The following WNT8A variants were observed in gnomAD, a reference collection of about 807,000 sequenced individuals.
The protein encoded by WNT8A is protein Wnt-8a.
In WNT8A, 14 loss-of-function variants were observed where a neutral mutation model predicts 20.5. The observed-to-expected ratio is 0.68, with a 90% CI of 0.45 to 1.07. The LOEUF is 1.07. Among genes scored for constraint, WNT8A ranks in the 50% least tolerant of loss-of-function variants. The pLI is 0.00. For synonymous variants in WNT8A, 167 were observed against 169.2 expected (o/e 0.99, Z 0.10); for missense variants, 397 against 462.9 (o/e 0.86, Z 1.31).
chr5:138,087,789 C>CCT lies in WNT8A; in HGVS notation c.296-7_296-6dup, dbSNP rs367786843. Reference sequence around the variant, plus strand: ...CAGGGTCCAGGTTTCCAGTCAGTTCCCTCTCTCTCTCCAAAGCTACCAGAG... The same window carrying CCT: ...CAGGGTCCAGGTTTCCAGTCAGTTCCCTCTCTCTCTCTCCAAAGCTACCAGAG... On this transcript the variant is annotated splice_polypyrimidine_tract_variant and intron_variant, in intron 2 of 4. Transcript: ENST00000506684. The CCT allele has an allele frequency of 1.9e-6, 3 of 1,611,632 alleles. No homozygotes were observed. The highest frequency in any genetic ancestry group is 1.7e-5 in the Admixed American group (1 of 59,858).
upstream of WNT8A, among the ~76,000 whole-genome samples, chr5:138,079,846 G>C (rs1750455990): frequency 6.6e-6 from 1 of 152,152 alleles, no homozygotes; most frequent in African/African-American, 2.4e-5. Context: ...TTGTAGACTT[G>C]ATGTGGAATG....
intron 2 of WNT8A, among the ~76,000 whole-genome samples, chr5:138,086,903 G>T (rs973782856): frequency 8.0e-5 from 12 of 150,728 alleles, no homozygotes; most frequent in African/African-American, 2.9e-4. Flanking sequence ...AAAAATAGCC[G>T]GGTGTGGTAG....
chr5:138,081,826 C>T (rs1750518014), upstream of WNT8A, among the ~76,000 whole-genome samples: 1 of 152,134 alleles, frequency 6.6e-6, no homozygotes, highest in African/African-American at 2.4e-5. Context: ...TCTAAAATTG[C>T]TCCAAATTGC....
At chr5:138,088,791 C>A (rs1750753755) in intron 3 of WNT8A, 136 bp from the exon 4 acceptor site, 3 of 1,229,968 alleles carry the variant, frequency 2.4e-6, no homozygotes, top group Non-Finnish European at 3.4e-6. Context: ...GGACTCCCAC[C>A]CACCCCAAGC....
chr5:138,081,578 G>A (rs1015724327), upstream of WNT8A, among the ~76,000 whole-genome samples: 22 of 152,006 alleles, frequency 1.4e-4, no homozygotes, highest in Admixed American at 1.3e-3. Flanking sequence ...GGAAAAGTAG[G>A]AGACAGAGAA....
Position 138,086,495 on chromosome 5 carries a change from T to C in WNT8A, c.296-1311T>C, listed in dbSNP as rs568197054. ...AACCTCCCAAAGTGCTGGGATTACA[T>C]TGGCCTCATCATTCTATCTCTGGTT... On this transcript the variant is annotated intron_variant, in intron 2 of 4. Transcript: ENST00000506684. Among the ~76,000 whole-genome samples the C allele has an allele frequency of 3.9e-5, 6 of 152,000 alleles. No individual in the cohort carries two copies. In the South Asian group the frequency reaches 6.3e-4, roughly 16 times the overall value.
rs777111856 is a variant in WNT8A at position 138,091,465 on chromosome 5, A to T, written c.*392A>T. On this transcript the variant is annotated 3_prime_UTR_variant, in exon 5 of 5. Coordinates refer to ENST00000506684, the MANE Select transcript of WNT8A (RefSeq NM_001300939.2). ...CTGTGCTGCTGGGAATCAGGAGAAT[A>T]GAAGCAAAAAACGAAAGAGTTCTGT... The T allele has an allele frequency of 4.4e-6, 6 of 1,354,762 alleles. No individual in the cohort carries two copies. Among genetic ancestry groups the T allele is most frequent in the Non-Finnish European group, 5.9e-6 (6 of 1,023,818 alleles). 83.9% of individuals were successfully genotyped at this position (1,354,762 alleles called of 1,614,324 possible).
At position 138,091,315 on chromosome 5, in the gene WNT8A, C is replaced by T. The variant is rs754071189; in HGVS notation, c.*242C>T. 5.3e-6 allele frequency: 8 copies of T among 1,517,018 alleles called. No individual in the cohort carries two copies. The highest frequency in any genetic ancestry group is 7.1e-6 in the Non-Finnish European group (8 of 1,129,222). 94.0% of individuals were successfully genotyped at this position (1,517,018 alleles called of 1,614,324 possible). A position where few individuals can be genotyped will look rare whatever the true frequency, so the allele number is the denominator to read the frequency against. On this transcript the variant is annotated 3_prime_UTR_variant, in exon 5 of 5. Transcript: ENST00000506684. ...ACCCCCATTTCATCTTTCCTGCAAA[C>T]TACTTTCCCATCTTTGTGCCTGTAC...
the WNT8A span, among the ~76,000 whole-genome samples, chr5:138,078,476 G>C: frequency 6.6e-6 from 1 of 152,182 alleles, no homozygotes; most frequent in Non-Finnish European, 1.5e-5. Context: ...CAAGGAGCCT[G>C]AGAAAGAAAT....
At chr5:138,077,896 C>A in the WNT8A span, among the ~76,000 whole-genome samples, 1 of 152,066 alleles carries the variant, frequency 6.6e-6, no homozygotes, top group African/African-American at 2.4e-5. Flanking sequence ...CTTGGCAACA[C>A]AAAACAGATC....
chr5:138,082,890 A>AATAG (rs1750544206), upstream of WNT8A, among the ~76,000 whole-genome samples: 2 of 136,838 alleles, frequency 1.5e-5, no homozygotes, highest in African/African-American at 5.5e-5. Flanking sequence ...TAAATAAATA[A>AATAG]ATAAATAAAT....
At chr5:138,088,055 C>T in intron 3 of WNT8A, 124 bp downstream of exon 3, 5 of 1,399,642 alleles carry the variant, frequency 3.6e-6, no homozygotes. Context: ...TCCAGCAACT[C>T]CTTCAATTGT....
At chr5:138,081,601 G>C (rs1750513998), upstream of WNT8A, among the ~76,000 whole-genome samples, 1 of 152,016 alleles carries the variant, frequency 6.6e-6, no homozygotes, top group African/African-American at 2.4e-5. Flanking sequence ...GGCCGCTGAG[G>C]CTAACTCAGT....
upstream of WNT8A, among the ~76,000 whole-genome samples, chr5:138,082,644 C>T (rs1750537121): frequency 6.6e-6 from 1 of 151,826 alleles, no homozygotes; most frequent in Admixed American, 6.6e-5. Flanking sequence ...CTTTGGGAGG[C>T]CGAGGCAGGT....
chr5:138,080,931 C>A (rs975577969), upstream of WNT8A, among the ~76,000 whole-genome samples: 1 of 152,146 alleles, frequency 6.6e-6, no homozygotes, highest in East Asian at 1.9e-4. Flanking sequence ...TATAAATTCT[C>A]ACTTCCATTT....
chr5:138,090,745 C>G lies in WNT8A; in HGVS notation c.782C>G (p.Pro261Arg). The change falls in exon 5 of 5, where the codon CCT (proline) becomes CGT (arginine). Residue 261 changes from proline to arginine, a missense_variant. Coordinates refer to ENST00000506684, the MANE Select transcript of WNT8A (RefSeq NM_001300939.2). ...TGGGTGCCCGCTGAGGCCTTCCTTC[C>G]TAGCGCAGAGGCGGAACTGATCTTT... ...GHWVPAEAFL[P>R]SAEAELIFLE... 6.2e-7 allele frequency: 1 copy of G among 1,614,216 alleles called. No homozygotes were observed. The highest frequency in any genetic ancestry group is 8.5e-7 in the Non-Finnish European group (1 of 1,180,032).
chr5:138,083,021 C>T (rs1270264742), upstream of WNT8A, among the ~76,000 whole-genome samples: 4 of 152,028 alleles, frequency 2.6e-5, no homozygotes, highest in South Asian at 2.1e-4. Flanking sequence ...GTGGCTCATG[C>T]CTATAATCCC....
chr5:138,090,761 A>C lies in WNT8A; in HGVS notation c.798A>C (p.Glu266Asp). The C allele has an allele frequency of 1.2e-6, 2 of 1,614,240 alleles. No homozygotes were observed. The highest frequency in any genetic ancestry group is 1.7e-6 in the Non-Finnish European group (2 of 1,180,044). The change falls in exon 5 of 5, where the codon GAA (glutamate) becomes GAC (aspartate). Residue 266 changes from glutamate (E) to aspartate (D), a missense_variant. Coordinates refer to ENST00000506684, the MANE Select transcript of WNT8A (RefSeq NM_001300939.2). ...CCTTCCTTCCTAGCGCAGAGGCGGAACTGATCTTTTTAGAGGAATCACCAG... is the reference window on the plus strand; with the variant it reads ...CCTTCCTTCCTAGCGCAGAGGCGGACCTGATCTTTTTAGAGGAATCACCAG... ...AEAFLPSAEAELIFLEESPDY... is the reference protein window; with the variant it reads ...AEAFLPSAEADLIFLEESPDY...
chr5:138,086,819 G>T (rs954980530), intron 2 of WNT8A, among the ~76,000 whole-genome samples: 1 of 146,048 alleles, frequency 6.8e-6, no homozygotes, highest in African/African-American at 2.5e-5. Flanking sequence ...TGGATCACTT[G>T]AGCCCAGGAG....
Sources: gnomAD v4.1 joint callset for allele counts (sites outside exome capture counted in the v4.1 genomes callset) on GRCh38, gnomAD v4.1.1 for gene constraint, MANE v1.5 for transcripts, NCBI Gene and HGNC (gene_info 2026-07-23, HGNC 2026-07-21) for gene names.